KCTD3: variants seen among roughly 807,000 people sequenced by gnomAD.
KCTD3 encodes potassium channel tetramerization domain containing 3.
Under a neutral mutation model 85.8 loss-of-function variants are expected in KCTD3, and 41 were observed. The observed-to-expected ratio is 0.48, with a 90% CI of 0.37 to 0.62. The LOEUF (loss-of-function observed/expected upper bound fraction) is 0.62. Among genes scored for constraint, KCTD3 ranks in the 20% least tolerant of loss-of-function variants. The pLI is 0.00. For missense variants in KCTD3, 724 were observed against 989.9 expected, an observed-to-expected ratio of 0.73 and a Z score of 3.60; for synonymous variants, 338 against 345.4, an observed-to-expected ratio of 0.98 and a Z score of 0.24.
chr1:215,611,486 A>T (rs1200400221), intron 14 of KCTD3, among the ~76,000 whole-genome samples: 1 of 152,040 alleles, frequency 6.6e-6, no homozygotes, highest in Non-Finnish European at 1.5e-5. Context: ...TTTAAGTTAT[A>T]AGAATCTAAG....
At chr1:215,580,867 A>G (rs1659793214) in intron 8 of KCTD3, 1 of 354,050 alleles carries the variant, frequency 2.8e-6, no homozygotes, top group South Asian at 2.1e-5. Flanking sequence ...AAAAATCTGA[A>G]TTTATGAAAG....
At chr1:215,572,812 G>A (rs536054358) in intron 1 of KCTD3, among the ~76,000 whole-genome samples, 11 of 152,160 alleles carry the variant, frequency 7.2e-5, no homozygotes, top group Admixed American at 3.3e-4. Flanking sequence ...TTTAGTTTAA[G>A]TATGAAAGGT....
intron 4 of KCTD3, 76 bp downstream of exon 4, chr1:215,576,050 G>GT (rs925433722): frequency 7.1e-5 from 58 of 818,484 alleles, no homozygotes; most frequent in Middle Eastern, 2.7e-4. Context: ...GAAATAAAAG[G>GT]TTTTTTTTGT....
chr1:215,608,088 G>C lies in KCTD3; in HGVS notation c.1381G>C (p.Gly461Arg). ...RFRGMISTQP[G>R]STPLASFKIL... Reference sequence around the variant, plus strand: ...CAGAGGAATGATCTCTACTCAGCCAGGTTCTACTCCTTTAGCGTCATTCAA... The same window carrying C: ...CAGAGGAATGATCTCTACTCAGCCACGTTCTACTCCTTTAGCGTCATTCAA... Residue 461 changes from glycine (G) to arginine (R), a missense_variant, in exon 14 of 18, where the codon GGT becomes CGT. Physicochemically the swap from Gly to Arg is moderately radical, Grantham distance 125 (BLOSUM62 -2). Around this residue, in one of 6 missense-constraint regions of KCTD3, gnomAD observed 146 missense variants for 320.3 expected, o/e 0.46. Transcript: ENST00000259154. 1 of 1,612,078 alleles carries C rather than the reference G, an allele frequency of 6.2e-7. No individual in the cohort carries two copies. Among genetic ancestry groups the C allele is most frequent in the African/African-American group, 1.3e-5 (1 of 74,912 alleles).
intron 10 of KCTD3, among the ~76,000 whole-genome samples, chr1:215,599,592 G>A (rs577493835): frequency 7.5e-4 from 114 of 152,238 alleles, no homozygotes; most frequent in Non-Finnish European, 1.3e-3. Context: ...TGGTTTCTTG[G>A]ATTCTTGCCA....
chr1:215,597,160 C>A (rs1467437047), intron 10 of KCTD3, among the ~76,000 whole-genome samples: 9 of 150,794 alleles, frequency 6.0e-5, no homozygotes, highest in Admixed American at 2.6e-4. Flanking sequence ...GCAAAATCAT[C>A]AGGACAGTTT....
At chr1:215,611,172 A>G (rs1251028019) in intron 14 of KCTD3, among the ~76,000 whole-genome samples, 2 of 152,164 alleles carry the variant, frequency 1.3e-5, no homozygotes, top group East Asian at 1.9e-4. Context: ...GCCAAATACA[A>G]TAAAGTGAAA....
chr1:215,598,309 T>C (rs970847014), intron 10 of KCTD3, among the ~76,000 whole-genome samples: 2 of 152,090 alleles, frequency 1.3e-5, no homozygotes, highest in African/African-American at 4.8e-5. Flanking sequence ...GAAAAGGAGA[T>C]GCAAGAGGAA....
At chr1:215,570,524 A>G (rs952963437) in intron 1 of KCTD3, among the ~76,000 whole-genome samples, 13 of 152,202 alleles carry the variant, frequency 8.5e-5, no homozygotes, top group Admixed American at 3.9e-4. Context: ...AGTCAGGTAT[A>G]TGTTTCCAAT....
At chr1:215,612,428 T>C (rs537901718) in intron 15 of KCTD3, among the ~76,000 whole-genome samples, 1 of 152,296 alleles carries the variant, frequency 6.6e-6, no homozygotes, top group East Asian at 1.9e-4. Flanking sequence ...TTTAGACCTA[T>C]TTCCATCTAC....
At chr1:215,587,052 A>G (rs1258546721) in intron 9 of KCTD3, among the ~76,000 whole-genome samples, 1 of 151,766 alleles carries the variant, frequency 6.6e-6, no homozygotes, top group Non-Finnish European at 1.5e-5. Context: ...ACATTCCCAA[A>G]CTTTTTGGTT....
Position 215,573,827 on chromosome 1 carries a change from CT to C in KCTD3, c.133del (p.Ser45ProfsTer4). ...CAAACTCTTATGTGGATTCCAGATT[CT>C]TTTTTTTCCAGGTATGTCTTATAAT... ...SRQTLMWIPD[S>X]FFSSLLSGRI... On this transcript the variant is annotated frameshift_variant, in exon 2 of 18. Transcript: ENST00000259154. LOFTEE classifies it high-confidence loss of function. The C allele has an allele frequency of 2.6e-5, 40 of 1,563,296 alleles. No individual in the cohort carries two copies. The highest frequency in any genetic ancestry group is 5.8e-5 in the South Asian group (5 of 86,564).
At chr1:215,577,108 A>G (rs1436186993) in intron 4 of KCTD3, among the ~76,000 whole-genome samples, 7 of 151,632 alleles carry the variant, frequency 4.6e-5, no homozygotes, top group Admixed American at 4.6e-4. Flanking sequence ...TTTCATCTGG[A>G]TAACATAGCC....
rs1264136969 is a variant in KCTD3 at position 215,567,485 on chromosome 1, G to A, written c.-201G>A. ...GGCCGGGCCGCCCTTGTGCACCGCAGGATTGACCCGGGAAGGGGCAGAAGC... is the reference window on the plus strand; with the variant it reads ...GGCCGGGCCGCCCTTGTGCACCGCAAGATTGACCCGGGAAGGGGCAGAAGC... On this transcript the variant is annotated 5_prime_UTR_variant, in exon 1 of 18. Coordinates refer to ENST00000259154, the MANE Select transcript of KCTD3 (RefSeq NM_016121.5). The A allele has an allele frequency of 6.6e-5, 18 of 273,784 alleles. No homozygotes were observed. 17.0% of individuals were successfully genotyped at this position (273,784 alleles called of 1,614,324 possible). A position where few individuals can be genotyped will look rare whatever the true frequency, so the allele number is the denominator to read the frequency against.
chr1:215,568,056 C>T (rs1659211336), intron 1 of KCTD3, among the ~76,000 whole-genome samples: 1 of 152,174 alleles, frequency 6.6e-6, no homozygotes, highest in Admixed American at 6.5e-5. Flanking sequence ...TCCCAACAGG[C>T]AAGGAGAACC....
intron 9 of KCTD3, among the ~76,000 whole-genome samples, chr1:215,589,169 T>C (rs1660126972): frequency 6.6e-6 from 1 of 152,136 alleles, no homozygotes. Flanking sequence ...AGGGTCTTGC[T>C]CTGTCACACA....
At chr1:215,577,331 A>G (rs1294798028) in intron 4 of KCTD3, among the ~76,000 whole-genome samples, 1 of 152,116 alleles carries the variant, frequency 6.6e-6, no homozygotes. Context: ...AAAGCAACTA[A>G]TGCCATAAAA....
chr1:215,588,429 CT>C (rs1199520592), intron 9 of KCTD3, among the ~76,000 whole-genome samples: 1 of 150,468 alleles, frequency 6.6e-6, no homozygotes, highest in African/African-American at 2.4e-5. Context: ...TTAATTTAAT[CT>C]TTAAATCTTT....
chr1:215,569,987 A>T (rs1571867450), intron 1 of KCTD3, among the ~76,000 whole-genome samples: 1 of 152,268 alleles, frequency 6.6e-6, no homozygotes, highest in Non-Finnish European at 1.5e-5. Context: ...TATTTTCTAG[A>T]TTTGCTTTGA....
Sources: gnomAD v4.1 joint callset for allele counts (sites outside exome capture counted in the v4.1 genomes callset) on GRCh38, gnomAD v4.1.1 for gene constraint, gnomAD v4.1.1 regional missense constraint, MANE v1.5 for transcripts, NCBI Gene and HGNC (gene_info 2026-07-23, HGNC 2026-07-21) for gene names.